Variants in XRN2 observed in about 807,000 individuals in gnomAD.
The protein encoded by XRN2 is DHM1-like protein.
XRN2 carries 44 observed loss-of-function variants against 138.5 expected under a neutral mutation model. That is an observed-to-expected ratio of 0.32 (90% CI 0.25 to 0.41). The LOEUF (loss-of-function observed/expected upper bound fraction) is 0.41, where lower values mean the gene tolerates loss of function less well. Ranked by LOEUF, XRN2 falls within the 10% of genes least tolerant of loss-of-function variation. The pLI is 1.00. For synonymous variants in XRN2, 354 were observed against 369.4 expected (o/e 0.96, Z 0.48); for missense variants, 937 against 1,169.3 (o/e 0.80, Z 2.90).
At chr20:21,379,719 A>G (rs2038862467) in intron 27 of XRN2, among the ~76,000 whole-genome samples, 1 of 152,206 alleles carries the variant, frequency 6.6e-6, no homozygotes, top group South Asian at 2.1e-4. Flanking sequence ...TATAGGTTAG[A>G]CAATTATTTC....
intron 27 of XRN2, among the ~76,000 whole-genome samples, chr20:21,377,701 C>A (rs2038841348): frequency 6.6e-6 from 1 of 152,042 alleles, no homozygotes; most frequent in Admixed American, 6.5e-5. Flanking sequence ...CCACATCTTG[C>A]TATAAGAGGA....
chr20:21,364,439 C>T (rs2038671234), intron 24 of XRN2, among the ~76,000 whole-genome samples: 1 of 152,176 alleles, frequency 6.6e-6, no homozygotes, highest in African/African-American at 2.4e-5. Context: ...ATACATACCA[C>T]TACCACGGCT....
chr20:21,368,030 T>G (rs2038722139), intron 26 of XRN2, among the ~76,000 whole-genome samples: 1 of 152,162 alleles, frequency 6.6e-6, no homozygotes, highest in Non-Finnish European at 1.5e-5. Flanking sequence ...AGTAAAGTAT[T>G]CTATAGGTTT....
rs764496444 is a variant in XRN2, at chr20:21,330,360, C to T, written c.428-121C>T. ...TTCCCAGTGAGGGAACATTTTTCCT[C>T]GGATGACGAGACTTCACTTTCTTTT... On this transcript the variant is annotated intron_variant, in intron 4 of 29. Coordinates refer to ENST00000377191, the MANE Select transcript of XRN2 (RefSeq NM_012255.5). 3.6e-5 allele frequency: 31 copies of T among 853,042 alleles called. No homozygotes were observed. In the Admixed American group the frequency reaches 5.1e-4, roughly 14 times the overall value. 52.8% of individuals were successfully genotyped at this position (853,042 alleles called of 1,614,324 possible).
At chr20:21,324,454 T>G (rs2038093781) in intron 1 of XRN2, among the ~76,000 whole-genome samples, 1 of 152,166 alleles carries the variant, frequency 6.6e-6, no homozygotes, top group Admixed American at 6.5e-5. Context: ...GAATGCTGTT[T>G]TATTTATTCA....
intron 27 of XRN2, 149 bp downstream of exon 27, chr20:21,368,739 T>G: frequency 2.8e-6 from 3 of 1,072,180 alleles, no homozygotes; most frequent in South Asian, 1.7e-5. Context: ...TGTGAGAGAA[T>G]ACCTTATGCA....
chr20:21,338,543 C>A (rs1165872697), intron 13 of XRN2, among the ~76,000 whole-genome samples: 2 of 152,120 alleles, frequency 1.3e-5, no homozygotes, highest in Non-Finnish European at 2.9e-5. Context: ...TCTCTCTTTT[C>A]TCCATTGTGC....
Position 21,339,231 on chromosome 20 carries a change from T to C in XRN2, c.1278+143T>C. ...GTCCACCCAGTTACCTTTTTACCTG[T>C]AGAAAGAACACTGGTGTCGATTTAA... On this transcript the variant is annotated intron_variant, in intron 14 of 29. Coordinates refer to ENST00000377191, the MANE Select transcript of XRN2 (RefSeq NM_012255.5). 3 of 756,954 alleles carry C rather than the reference T, an allele frequency of 4.0e-6. No individual in the cohort carries two copies. In the South Asian group the frequency reaches 5.6e-5, roughly 14 times the overall value. The allele number at this position is 756,954 out of a possible 1,614,324, so 46.9% of individuals were successfully genotyped here.
chr20:21,368,109 A>C (rs1264631074), intron 26 of XRN2, among the ~76,000 whole-genome samples: 2 of 152,216 alleles, frequency 1.3e-5, no homozygotes, highest in Non-Finnish European at 2.9e-5. Context: ...TAAAAATAGC[A>C]AGATGTAGAG....
chr20:21,382,993 C>T (rs1243518680), intron 28 of XRN2, among the ~76,000 whole-genome samples: 2 of 152,180 alleles, frequency 1.3e-5, no homozygotes, highest in Non-Finnish European at 2.9e-5. Flanking sequence ...CTGTTCACAT[C>T]TGAAATGAAT....
chr20:21,377,703 A>G lies in XRN2; in HGVS notation c.2585-4291A>G, dbSNP rs566658875. On this transcript the variant is annotated intron_variant, in intron 27 of 29. Coordinates refer to ENST00000377191, the MANE Select transcript of XRN2 (RefSeq NM_012255.5). ...TTCATCCATTCATCCACATCTTGCT[A>G]TAAGAGGAAGAAAAACACAAAAGGA... is the stretch of plus-strand genomic sequence containing the variant. 7.2e-5 allele frequency among the ~76,000 whole-genome samples: 11 copies of G among 152,228 alleles called. No individual in the cohort carries two copies. In the East Asian group the frequency reaches 1.7e-3, roughly 24 times the overall value.
chr20:21,353,223 GATATATAT>G (rs869071652), intron 20 of XRN2, among the ~76,000 whole-genome samples: 7,412 of 112,696 alleles, frequency 0.066, 265 homozygotes, highest in Admixed American at 0.092. Context: ...TAGTGGGTAG[GATATATAT>G]ATATATATAT....
At chr20:21,375,369 CT>C (rs1158513645) in intron 27 of XRN2, among the ~76,000 whole-genome samples, 1 of 151,554 alleles carries the variant, frequency 6.6e-6, no homozygotes. Context: ...AATTGGCATT[CT>C]TTTTCCAAGT....
chr20:21,389,119 G>A lies in XRN2; in HGVS notation c.2788-154G>A, dbSNP rs535920979. The stretch of plus-strand genomic sequence containing the variant: ...TGCAACAAGTCTGTATTAAAGCTCT[G>A]GATCAAAGCACCTTTTATGGGGCCT... On this transcript the variant is annotated intron_variant, in intron 29 of 29. Coordinates refer to ENST00000377191, the MANE Select transcript of XRN2 (RefSeq NM_012255.5). Among the ~76,000 whole-genome samples the A allele has an allele frequency of 2.0e-5, 3 of 152,272 alleles. No homozygotes were observed. In the South Asian group the frequency reaches 6.2e-4, roughly 32 times the overall value.
At position 21,356,656 on chromosome 20, in the gene XRN2, T is replaced by A. The variant is rs371992577; in HGVS notation, c.2189T>A (p.Leu730His). The change falls in exon 23 of 30, where the codon CTT becomes CAT. Residue 730 changes from leucine (L) to histidine (H), a missense_variant. By Grantham distance (99) the Leu-to-His change is moderately conservative. Around this residue, in one of 6 missense-constraint regions of XRN2, gnomAD observed 372 missense variants for 414.4 expected, o/e 0.90. Transcript: ENST00000377191. ...TTTTCTTTGGATGAAGAAGCCATTC[T>A]TCCAGATCAGTAAGTTTCATTTTGT... is the stretch of plus-strand genomic sequence containing the variant. ...GKFSLDEEAI[L>H]PDQIVCSPVP... The A allele has an allele frequency of 3.1e-6, 5 of 1,613,498 alleles. No individual in the cohort carries two copies. Among genetic ancestry groups the A allele is most frequent in the Non-Finnish European group, 4.2e-6 (5 of 1,179,580 alleles).
intron 1 of XRN2, among the ~76,000 whole-genome samples, chr20:21,321,301 C>CTGTGTGTGTGTGTGTG (rs61188840): frequency 8.2e-6 from 1 of 121,426 alleles, no homozygotes; most frequent in Non-Finnish European, 1.7e-5. Context: ...CTGTGCCTGG[C>CTGTGTGTGTGTGTGTG]TGTGTGTGTG....
chr20:21,355,618 T>C (rs1374953880), intron 21 of XRN2, among the ~76,000 whole-genome samples: 3 of 152,150 alleles, frequency 2.0e-5, no homozygotes, highest in African/African-American at 7.2e-5. Context: ...CTGATAACTA[T>C]TGATCTTTTT....
intron 1 of XRN2, 174 bp downstream of exon 1, chr20:21,303,647 C>T: frequency 1.5e-6 from 2 of 1,347,392 alleles, no homozygotes; most frequent in Non-Finnish European, 1.9e-6. Flanking sequence ...CTGTGGGATT[C>T]AGCACCCCGG....
At chr20:21,348,284 T>C (rs370259357) in intron 18 of XRN2, 31 bp downstream of exon 18, 13 of 1,611,948 alleles carry the variant, frequency 8.1e-6, no homozygotes, top group Non-Finnish European at 1.0e-5. Context: ...TCATAAAGTT[T>C]ATAGAATTCT....
Sources: gnomAD v4.1 joint callset for allele counts (sites outside exome capture counted in the v4.1 genomes callset) on GRCh38, gnomAD v4.1.1 for gene constraint, gnomAD v4.1.1 regional missense constraint, MANE v1.5 for transcripts, NCBI Gene and HGNC (gene_info 2026-07-23, HGNC 2026-07-21) for gene names.